The following CNTN5 variants were observed in gnomAD, a reference collection of about 807,000 sequenced individuals.
CNTN5 encodes the protein contactin 5.
CNTN5 carries 77 observed loss-of-function variants against 129.1 expected under a neutral mutation model. The ratio of observed to expected loss-of-function variants is 0.60; its 90% CI spans 0.50 to 0.72. CNTN5 has a LOEUF of 0.72. CNTN5 is among the 30% of genes least tolerant of loss of function. CNTN5 has a pLI of 0.00. For synonymous variants in CNTN5, 509 were observed against 465.6 expected (o/e 1.09, Z -1.20); for missense variants, 1,478 against 1,328.8 (o/e 1.11, Z -1.75).
At chr11:100,292,964 A>G (rs899248813) in intron 18 of CNTN5, among the ~76,000 whole-genome samples, 1 of 151,918 alleles carries the variant, frequency 6.6e-6, no homozygotes, top group South Asian at 2.1e-4. Flanking sequence ...GTATTTTCAC[A>G]GTTCTTGTCC....
At chr11:100,073,025 A>G (rs1440365811) in intron 12 of CNTN5, among the ~76,000 whole-genome samples, 2 of 136,826 alleles carry the variant, frequency 1.5e-5, no homozygotes, top group Admixed American at 7.3e-5. Flanking sequence ...ACTTGCAACT[A>G]TCTCCTCATA....
chr11:100,199,712 T>C (rs1948729729), intron 15 of CNTN5, among the ~76,000 whole-genome samples: 1 of 151,946 alleles, frequency 6.6e-6, no homozygotes, highest in Non-Finnish European at 1.5e-5. Context: ...TCCATCTTTT[T>C]TTTGGTATTA....
chr11:100,319,488 A>T (rs993756038), intron 21 of CNTN5, among the ~76,000 whole-genome samples: 9 of 152,112 alleles, frequency 5.9e-5, no homozygotes, highest in Admixed American at 1.3e-4. Flanking sequence ...AATTATATGG[A>T]TTTATCATGT....
chr11:99,999,158 G>T (rs1364236997), intron 8 of CNTN5, among the ~76,000 whole-genome samples: 1 of 151,900 alleles, frequency 6.6e-6, no homozygotes, highest in African/African-American at 2.4e-5. Flanking sequence ...TGACAAATGG[G>T]ATCTAATTAA....
chr11:99,812,527 T>TA (rs1261487515), intron 3 of CNTN5, among the ~76,000 whole-genome samples: 4 of 152,170 alleles, frequency 2.6e-5, no homozygotes, highest in African/African-American at 9.6e-5. Flanking sequence ...GTTTTCTGTA[T>TA]ATTACTTTAT....
intron 3 of CNTN5, among the ~76,000 whole-genome samples, chr11:99,816,123 T>A (rs1347654487): frequency 1.3e-5 from 2 of 152,218 alleles, no homozygotes; most frequent in Non-Finnish European, 2.9e-5. Context: ...AACTATTGAA[T>A]GCTTCCTTGT....
intron 3 of CNTN5, among the ~76,000 whole-genome samples, chr11:99,641,025 A>G (rs1042552514): frequency 6.6e-6 from 1 of 152,188 alleles, no homozygotes; most frequent in Non-Finnish European, 1.5e-5. Context: ...TAACTTAATT[A>G]TTGGAGGAGA....
intron 2 of CNTN5, among the ~76,000 whole-genome samples, chr11:99,454,209 A>C (rs760486691): frequency 6.6e-6 from 1 of 152,168 alleles, no homozygotes; most frequent in African/African-American, 2.4e-5. Context: ...AGAAAAACAA[A>C]AGTTGAATAT....
chr11:99,489,323 T>C (rs186310095), intron 2 of CNTN5, among the ~76,000 whole-genome samples: 1 of 152,282 alleles, frequency 6.6e-6, no homozygotes, highest in East Asian at 1.9e-4. Context: ...TCAAATGCAA[T>C]AGAGCGTTAT....
chr11:100,079,012 G>A (rs1316549289), intron 13 of CNTN5, among the ~76,000 whole-genome samples: 5 of 152,114 alleles, frequency 3.3e-5, no homozygotes, highest in African/African-American at 9.7e-5. Context: ...TTCTTCACAA[G>A]GAGGCAGGAA....
intron 4 of CNTN5, among the ~76,000 whole-genome samples, chr11:99,828,940 C>G (rs533020779): frequency 6.6e-6 from 1 of 151,878 alleles, no homozygotes; most frequent in African/African-American, 2.4e-5. Flanking sequence ...CTATTTCCAG[C>G]GAGAATTAGA....
At chr11:100,119,277 G>A (rs1236467196) in intron 13 of CNTN5, among the ~76,000 whole-genome samples, 1 of 151,890 alleles carries the variant, frequency 6.6e-6, no homozygotes, top group African/African-American at 2.4e-5. Flanking sequence ...AAACAAAATA[G>A]ATCAATTTGT....
chr11:99,089,988 T>C (rs1866172759), intron 1 of CNTN5, among the ~76,000 whole-genome samples: 1 of 152,208 alleles, frequency 6.6e-6, no homozygotes. Context: ...ATCTGGAACG[T>C]ACCTAAGGTA....
Position 99,600,201 on chromosome 11 carries a change from A to G in CNTN5, c.55+43932A>G, listed in dbSNP as rs960964804. On this transcript the variant is annotated intron_variant, in intron 3 of 24. Coordinates refer to ENST00000524871, the MANE Select transcript of CNTN5 (RefSeq NM_014361.4). ...CACTATGCATTTTATACCTGTAACA[A>G]AATTCCTCATGTACTCCATAAATTT... is the stretch of plus-strand genomic sequence containing the variant. Among the ~76,000 whole-genome samples the G allele has an allele frequency of 9.2e-5, 14 of 152,226 alleles. 2 individuals carry two copies. The South Asian group carries it at 2.7e-3, about 29-fold the overall frequency.
At chr11:99,886,152 G>T (rs1948896839) in intron 6 of CNTN5, among the ~76,000 whole-genome samples, 1 of 151,916 alleles carries the variant, frequency 6.6e-6, no homozygotes, top group Non-Finnish European at 1.5e-5. Flanking sequence ...ATATCTTTAT[G>T]ATCTTGAACT....
intron 1 of CNTN5, among the ~76,000 whole-genome samples, chr11:99,275,949 T>C (rs1863406533): frequency 6.6e-6 from 1 of 151,526 alleles, no homozygotes; most frequent in Non-Finnish European, 1.5e-5. Flanking sequence ...GAAGCCATAT[T>C]TGAACAAAAA....
At chr11:99,121,798 G>T (rs1186280274) in intron 1 of CNTN5, among the ~76,000 whole-genome samples, 2 of 152,126 alleles carry the variant, frequency 1.3e-5, no homozygotes, top group Non-Finnish European at 2.9e-5. Context: ...CCAAGGGTCA[G>T]ATTCCTCTAT....
intron 2 of CNTN5, among the ~76,000 whole-genome samples, chr11:99,485,814 A>G (rs950310003): frequency 1.3e-5 from 2 of 152,020 alleles, no homozygotes; most frequent in Non-Finnish European, 2.9e-5. Context: ...CCACTCTAAA[A>G]TTACGGAGAG....
At chr11:99,808,290 C>A (rs1050291518) in intron 3 of CNTN5, among the ~76,000 whole-genome samples, 1 of 152,196 alleles carries the variant, frequency 6.6e-6, no homozygotes, top group African/African-American at 2.4e-5. Flanking sequence ...AATATTTTAG[C>A]CCACTTGATG....
Sources: allele counts gnomAD v4.1 joint callset (sites outside exome capture counted in the v4.1 genomes callset), GRCh38; gene constraint gnomAD v4.1.1; transcripts MANE v1.5; gene names NCBI Gene and HGNC (gene_info 2026-07-23, HGNC 2026-07-21).